Variants in SIPA1L2 observed in about 807,000 individuals in gnomAD.
The protein encoded by SIPA1L2 is signal induced proliferation associated 1 like 2.
Under a neutral mutation model 163.9 loss-of-function variants are expected in SIPA1L2, and 56 were observed. That is an observed-to-expected ratio of 0.34 (90% CI 0.28 to 0.43). The LOEUF (loss-of-function observed/expected upper bound fraction) is 0.43. Ranked by LOEUF, SIPA1L2 falls within the 20% of genes least tolerant of loss-of-function variation. The pLI, the probability that SIPA1L2 is intolerant of heterozygous loss-of-function variation, is 1.00. For missense variants in SIPA1L2, 1,974 were observed against 2,193.5 expected (o/e 0.90, Z 2.00); for synonymous variants, 877 against 865.7 (o/e 1.01, Z -0.23).
chr1:232,445,727 G>A lies in SIPA1L2; in HGVS notation c.3155C>T (p.Thr1052Ile). 1.2e-6 allele frequency: 2 copies of A among 1,613,678 alleles called. No homozygotes were observed. Among genetic ancestry groups the A allele is most frequent in the Non-Finnish European group, 1.7e-6 (2 of 1,179,926 alleles). Residue 1052 changes from threonine (T) to isoleucine (I), a missense_variant, in exon 11 of 23, where the codon ACC becomes ATC. Transcript: ENST00000674635. ...GAAGGGGGTTTTATACTCGCAGGGG[G>A]TGCCCTCGCTGTCGAGTTTATATTC... ...MVEYKLDSEG[T>I]PCEYKTPFRR...
At chr1:232,558,576 A>C (rs1157530476) in intron 2 of SIPA1L2, among the ~76,000 whole-genome samples, 4 of 152,252 alleles carry the variant, frequency 2.6e-5, no homozygotes, top group Admixed American at 2.6e-4. Context: ...ATACTCCGCT[A>C]CTGAGTTTGG....
intron 1 of SIPA1L2, among the ~76,000 whole-genome samples, chr1:232,619,437 G>T (rs1024860464): frequency 6.6e-6 from 1 of 152,184 alleles, no homozygotes; most frequent in Admixed American, 6.5e-5. Flanking sequence ...ACCTAAGAAG[G>T]CAGTGCATTC....
At chr1:232,451,847 C>A (rs1439690417) in intron 10 of SIPA1L2, among the ~76,000 whole-genome samples, 1 of 151,966 alleles carries the variant, frequency 6.6e-6, no homozygotes, top group Admixed American at 6.6e-5. Flanking sequence ...TACCATGCTA[C>A]ATAGGGATCA....
At chr1:232,579,236 C>T (rs187734275) in intron 1 of SIPA1L2, among the ~76,000 whole-genome samples, 33 of 152,242 alleles carry the variant, frequency 2.2e-4, no homozygotes, top group Admixed American at 1.6e-3. Context: ...CATCAAGCTC[C>T]GTTTCTCTAC....
chr1:232,430,239 C>A (rs1000594611), intron 16 of SIPA1L2, among the ~76,000 whole-genome samples: 1 of 152,266 alleles, frequency 6.6e-6, no homozygotes, highest in South Asian at 2.1e-4. Context: ...ACTGAGCTAG[C>A]GGGTGCAGAG....
At chr1:232,566,390 CAAAGG>C (rs753145360) in intron 2 of SIPA1L2, among the ~76,000 whole-genome samples, 4 of 152,074 alleles carry the variant, frequency 2.6e-5, no homozygotes, top group Non-Finnish European at 5.9e-5. Flanking sequence ...AGCAAACAAA[CAAAGG>C]AAAGAAAATA....
At chr1:232,562,282 G>T (rs985689353) in intron 2 of SIPA1L2, among the ~76,000 whole-genome samples, 1 of 152,196 alleles carries the variant, frequency 6.6e-6, no homozygotes, top group Non-Finnish European at 1.5e-5. Flanking sequence ...AATACATTCA[G>T]TATTAATCAT....
At chr1:232,563,951 T>TCG (rs1427009767) in intron 2 of SIPA1L2, among the ~76,000 whole-genome samples, 9 of 135,954 alleles carry the variant, frequency 6.6e-5, no homozygotes, top group Non-Finnish European at 1.5e-5. Flanking sequence ...TTTGTTTTTT[T>TCG]TTTTCGTGTG....
intron 2 of SIPA1L2, among the ~76,000 whole-genome samples, chr1:232,539,003 G>A (rs1334036147): frequency 6.6e-6 from 1 of 152,196 alleles, no homozygotes; most frequent in Admixed American, 6.5e-5. Flanking sequence ...TCTTAATCCT[G>A]TTTTGATTGC....
intron 12 of SIPA1L2, among the ~76,000 whole-genome samples, chr1:232,442,742 TA>T (rs1662980685): frequency 6.6e-6 from 1 of 152,186 alleles, no homozygotes; most frequent in African/African-American, 2.4e-5. Context: ...TTTTACTGTT[TA>T]TACAAAAAAG....
In SIPA1L2 at chr1:232,513,716, T is replaced by C. The variant is rs375787175; in HGVS notation, c.1483+141A>G. The C allele has an allele frequency of 2.2e-4, 187 of 840,096 alleles. 2 individuals are homozygous for C. The African/African-American group carries it at 2.6e-3, about 12-fold the overall frequency. 52.0% of individuals were successfully genotyped at this position (840,096 alleles called of 1,614,324 possible). On this transcript the variant is annotated intron_variant, in intron 3 of 22. Coordinates refer to ENST00000674635, the MANE Select transcript of SIPA1L2 (RefSeq NM_020808.5). The stretch of plus-strand genomic sequence containing the variant: ...TAGCCTGGAAGCTATGGAGGGACCA[T>C]GATGGAGAACAAGGTCAGGCCCAGT...
chr1:232,497,235 T>C (rs1443356598), intron 3 of SIPA1L2, among the ~76,000 whole-genome samples: 9 of 152,168 alleles, frequency 5.9e-5, no homozygotes, highest in Non-Finnish European at 7.4e-5. Flanking sequence ...TCTACACTGA[T>C]TGTGGCAATG....
At chr1:232,405,942 C>G (rs1660608236) in intron 19 of SIPA1L2, among the ~76,000 whole-genome samples, 1 of 152,086 alleles carries the variant, frequency 6.6e-6, no homozygotes, top group Admixed American at 6.6e-5. Flanking sequence ...TTCAGACATC[C>G]CCTAGGGAGA....
intron 1 of SIPA1L2, among the ~76,000 whole-genome samples, chr1:232,591,859 T>C (rs1660984259): frequency 6.6e-6 from 1 of 152,236 alleles, no homozygotes; most frequent in African/African-American, 2.4e-5. Context: ...TCACTTCTTA[T>C]GTTCTAATTT....
At chr1:232,503,298 G>A (rs759497473) in intron 3 of SIPA1L2, among the ~76,000 whole-genome samples, 24 of 152,158 alleles carry the variant, frequency 1.6e-4, no homozygotes, top group Non-Finnish European at 2.9e-4. Context: ...GTGGTGCATT[G>A]TAACTGTTCA....
In SIPA1L2 at chr1:232,410,545, A is replaced by AATATATATAT. The variant is rs35712001; in HGVS notation, c.4762+4939_4762+4948dup. 7.6e-3 allele frequency among the ~76,000 whole-genome samples: 1,135 copies of AATATATATAT among 148,916 alleles called. 30 individuals carry two copies. The highest frequency in any genetic ancestry group is 0.046 in the East Asian group (231 of 5,030). Reference sequence around the variant, plus strand: ...CAAGAAGGCTGCTTCTGAATTTCAAAATATATATATATATATACGCAAGGG... The same window carrying AATATATATAT: ...CAAGAAGGCTGCTTCTGAATTTCAAAATATATATATATATATATATATATATACGCAAGGG... On this transcript the variant is annotated intron_variant, in intron 19 of 22. Coordinates refer to ENST00000674635, the MANE Select transcript of SIPA1L2 (RefSeq NM_020808.5).
chr1:232,458,033 G>A (rs1376731027), intron 10 of SIPA1L2, among the ~76,000 whole-genome samples: 1 of 152,198 alleles, frequency 6.6e-6, no homozygotes, highest in African/African-American at 2.4e-5. Flanking sequence ...ATACAGGCTA[G>A]GCTTAAAGCC....
At chr1:232,554,567 GCAA>G (rs76600521) in intron 2 of SIPA1L2, among the ~76,000 whole-genome samples, 19,292 of 152,124 alleles carry the variant, frequency 0.13, 1,481 homozygotes, top group Middle Eastern at 0.24. Context: ...GTTTGCTTTT[GCAA>G]CAACACTGGT....
At chr1:232,411,400 G>C (rs138447449) in intron 19 of SIPA1L2, among the ~76,000 whole-genome samples, 11 of 152,224 alleles carry the variant, frequency 7.2e-5, no homozygotes, top group Admixed American at 5.9e-4. Context: ...CAGGGAGATG[G>C]CACAGTTCTG....
Sources: gnomAD v4.1 joint callset for allele counts (sites outside exome capture counted in the v4.1 genomes callset) on GRCh38, gnomAD v4.1.1 for gene constraint, MANE v1.5 for transcripts, NCBI Gene and HGNC (gene_info 2026-07-23, HGNC 2026-07-21) for gene names.